Variants in P3H2 observed in about 807,000 individuals in gnomAD.
P3H2 encodes prolyl 3-hydroxylase 2.
In P3H2, 80 loss-of-function variants were observed where a neutral mutation model predicts 87.0. That is an observed-to-expected ratio of 0.92 (90% CI 0.77 to 1.11). The LOEUF is 1.11. Among genes scored for constraint, P3H2 ranks in the 50% least tolerant of loss-of-function variants. The probability of loss-of-function intolerance (pLI) is 0.00; values close to 1 mark genes in which losing one functional copy is unlikely to be tolerated. For synonymous variants in P3H2, 367 were observed against 359.3 expected, an observed-to-expected ratio of 1.02 and a Z score of -0.24; for missense variants, 1,001 against 923.9, an observed-to-expected ratio of 1.08 and a Z score of -1.08.
At chr3:190,056,933 C>A (rs988077677) in intron 1 of P3H2, among the ~76,000 whole-genome samples, 1 of 152,194 alleles carries the variant, frequency 6.6e-6, no homozygotes, top group African/African-American at 2.4e-5. Context: ...GACCCTCCCC[C>A]TTCACCATAG....
rs183667527 is a variant in P3H2, at chr3:190,045,932, T to C, written c.481-50490A>G. ...GTCAGGAGATCGAGACCATCCTGGCTAACATGGTGAAACCCCGTCTCTAAA... is the reference window on the plus strand; with the variant it reads ...GTCAGGAGATCGAGACCATCCTGGCCAACATGGTGAAACCCCGTCTCTAAA... On this transcript the variant is annotated intron_variant, in intron 1 of 14. Coordinates refer to ENST00000319332, the MANE Select transcript of P3H2 (RefSeq NM_018192.4). Among the ~76,000 whole-genome samples, 635 of 152,134 alleles carry C rather than the reference T, an allele frequency of 4.2e-3. 4 individuals carry two copies. Among genetic ancestry groups the C allele is most frequent in the Middle Eastern group, 0.031 (9 of 294 alleles).
In P3H2 at chr3:190,120,801, C is replaced by G; in HGVS notation, c.-70G>C. On this transcript the variant is annotated 5_prime_UTR_variant, in exon 1 of 15. Transcript: ENST00000319332. ...TCGGGGCACCTCGCGTCCGGGTCCCCTCTCCCACCTTCCCTCGGGGAAGCG... is the reference window on the plus strand; with the variant it reads ...TCGGGGCACCTCGCGTCCGGGTCCCGTCTCCCACCTTCCCTCGGGGAAGCG... The G allele has an allele frequency of 6.7e-7, 1 of 1,487,786 alleles. No individual in the cohort carries two copies. The highest frequency in any genetic ancestry group is 2.2e-5 in the Admixed American group (1 of 46,104). The allele number at this position is 1,487,786 out of a possible 1,614,324, so 92.2% of individuals were successfully genotyped here. A position where few individuals can be genotyped will look rare whatever the true frequency, so the allele number is the denominator to read the frequency against.
At position 190,002,102 on chromosome 3, in the gene P3H2, G is replaced by A. The variant is rs1296617074; in HGVS notation, c.481-6660C>T. ...TCTATATAGCAGAGTCAGATTTTTG[G>A]AGTAAAATAATAGCCATATAGCAAA... On this transcript the variant is annotated intron_variant, in intron 1 of 14. Coordinates refer to ENST00000319332, the MANE Select transcript of P3H2 (RefSeq NM_018192.4). 2.0e-5 allele frequency among the ~76,000 whole-genome samples: 3 copies of A among 152,030 alleles called. No homozygotes were observed. In the East Asian group the frequency reaches 5.8e-4, roughly 29 times the overall value.
intron 1 of P3H2, among the ~76,000 whole-genome samples, chr3:190,076,955 C>T (rs1726893452): frequency 6.6e-6 from 1 of 152,200 alleles, no homozygotes; most frequent in Non-Finnish European, 1.5e-5. Context: ...CTGGTTTACA[C>T]ACAGTACCAT....
chr3:189,987,645 T>A lies in P3H2; in HGVS notation c.980A>T (p.Glu327Val). The change falls in exon 5 of 15, where the codon GAG becomes GTG. Residue 327 changes from glutamate to valine, a missense_variant. Physicochemically the swap from Glu to Val is moderately radical, Grantham distance 121. Transcript: ENST00000319332. ...GCATAGAAGATAGGCTTTGGCACAC[T>A]CCAGGGCTTTCACATACTCACCAAC... Reference protein sequence around the residue: ...YRVGEYVKALECAKAYLLCHP... With the variant: ...YRVGEYVKALVCAKAYLLCHP... 6.2e-7 allele frequency: 1 copy of A among 1,614,184 alleles called. No individual in the cohort carries two copies. The highest frequency in any genetic ancestry group is 8.5e-7 in the Non-Finnish European group (1 of 1,180,030).
At chr3:189,985,353 T>C (rs1009364172) in intron 6 of P3H2, among the ~76,000 whole-genome samples, 73 of 151,658 alleles carry the variant, frequency 4.8e-4, no homozygotes, top group Non-Finnish European at 4.1e-4. Flanking sequence ...GTTAAAATGA[T>C]GTATTATTTC....
chr3:190,101,299 G>C (rs1435666075), intron 1 of P3H2, among the ~76,000 whole-genome samples: 1 of 139,634 alleles, frequency 7.2e-6, no homozygotes, highest in African/African-American at 2.7e-5. Flanking sequence ...GTTTACTGAG[G>C]AAGGCAGGTC....
At chr3:189,987,760 G>A in intron 4 of P3H2, 91 bp from the exon 5 acceptor site, 1 of 1,417,858 alleles carries the variant, frequency 7.1e-7, no homozygotes, top group Non-Finnish European at 1.0e-6. Context: ...ACAAAGGTCA[G>A]CATTAAACAT....
At chr3:190,121,022 G>A (rs1712564134), upstream of P3H2, 1 of 452,676 alleles carries the variant, frequency 2.2e-6, no homozygotes, top group African/African-American at 2.1e-5. Flanking sequence ...TGCCAGGGGC[G>A]GCACACTCCA....
At chr3:190,045,145 C>T (rs1485454148) in intron 1 of P3H2, among the ~76,000 whole-genome samples, 1 of 152,104 alleles carries the variant, frequency 6.6e-6, no homozygotes, top group African/African-American at 2.4e-5. Context: ...TTTGGCATCT[C>T]TGAGGAAAAG....
intron 1 of P3H2, among the ~76,000 whole-genome samples, chr3:190,091,543 T>A (rs1727409504): frequency 6.6e-6 from 1 of 152,258 alleles, no homozygotes; most frequent in Admixed American, 6.5e-5. Context: ...TGTAAATGGC[T>A]ATTTGCTTAT....
rs1723591465 is a variant in P3H2 at position 189,983,160 on chromosome 3, A to T, written c.1230-20T>A. 6.3e-7 allele frequency: 1 copy of T among 1,580,052 alleles called. No homozygotes were observed. The highest frequency in any genetic ancestry group is 1.7e-5 in the Admixed American group (1 of 59,954). On this transcript the variant is annotated intron_variant, in intron 7 of 14. Coordinates refer to ENST00000319332, the MANE Select transcript of P3H2 (RefSeq NM_018192.4). ...GGGACCCTGCCCATTCAAAAAATTT[A>T]AAATGGCAATTTGTCATTGAATAAC... is the stretch of plus-strand genomic sequence containing the variant.
rs190084493 is a variant in P3H2 at position 189,995,276 on chromosome 3, C to A, written c.633+14G>T. ...TAGCTCCCTGTGGTGAGGGCAGGGG[C>A]CCACAGAGCTTACCATGTGTGGCTT... On this transcript the variant is annotated intron_variant, in intron 2 of 14. Coordinates refer to ENST00000319332, the MANE Select transcript of P3H2 (RefSeq NM_018192.4). 1.2e-6 allele frequency: 2 copies of A among 1,613,486 alleles called. No homozygotes were observed. Among genetic ancestry groups the A allele is most frequent in the East Asian group, 2.2e-5 (1 of 44,880 alleles).
At chr3:190,053,930 C>G (rs1261505970) in intron 1 of P3H2, among the ~76,000 whole-genome samples, 2 of 152,202 alleles carry the variant, frequency 1.3e-5, no homozygotes, top group Non-Finnish European at 2.9e-5. Flanking sequence ...AGCTTCTACA[C>G]ATAGGTCTAC....
At chr3:190,004,870 TGGC>T (rs932938252) in intron 1 of P3H2, among the ~76,000 whole-genome samples, 14 of 152,176 alleles carry the variant, frequency 9.2e-5, no homozygotes, top group African/African-American at 3.4e-4. Context: ...AAATTTTAGC[TGGC>T]CATCAATTTA....
chr3:190,022,971 C>A (rs961746579), intron 1 of P3H2, among the ~76,000 whole-genome samples: 48 of 152,086 alleles, frequency 3.2e-4, no homozygotes, highest in Non-Finnish European at 7.1e-4. Flanking sequence ...GGACTACAGG[C>A]ACCCACCACC....
chr3:190,040,872 G>A lies in P3H2; in HGVS notation c.481-45430C>T, dbSNP rs115621527. On this transcript the variant is annotated intron_variant, in intron 1 of 14. Coordinates refer to ENST00000319332, the MANE Select transcript of P3H2 (RefSeq NM_018192.4). ...TAGTACCAGTTAATTTCCATATGTT[G>A]GCGTGTGTGACCTTCAAGAAGGCAC... Among the ~76,000 whole-genome samples the A allele has an allele frequency of 1.0e-3, 155 of 150,902 alleles. No homozygotes were observed. The Middle Eastern group carries it at 0.017, about 17-fold the overall frequency.
chr3:189,989,039 C>A lies in P3H2; in HGVS notation c.824-1G>T. 1.9e-6 allele frequency: 3 copies of A among 1,614,110 alleles called. No individual in the cohort carries two copies. Among genetic ancestry groups the A allele is most frequent in the Non-Finnish European group, 2.5e-6 (3 of 1,180,012 alleles). Reference sequence around the variant, plus strand: ...CAAACAAGCACCTGCATGTAGTGATCTGGAAGACAAGAGCCAATACGTGTG... The same window carrying A: ...CAAACAAGCACCTGCATGTAGTGATATGGAAGACAAGAGCCAATACGTGTG... On this transcript the variant is annotated splice_acceptor_variant, in intron 3 of 14. Coordinates refer to ENST00000319332, the MANE Select transcript of P3H2 (RefSeq NM_018192.4). LOFTEE classifies it high-confidence loss of function.
rs1436939486 is a variant in P3H2, at chr3:190,008,947, A to C, written c.481-13505T>G. Among the ~76,000 whole-genome samples the C allele has an allele frequency of 2.0e-5, 3 of 152,108 alleles. No individual in the cohort carries two copies. The South Asian group carries it at 6.2e-4, about 32-fold the overall frequency. On this transcript the variant is annotated intron_variant, in intron 1 of 14. Coordinates refer to ENST00000319332, the MANE Select transcript of P3H2 (RefSeq NM_018192.4). ...CTTAAGAGAAGTAAAAAGAAATTCT[A>C]TAAGTATTCAAAGTAGGAGAAAGAA...
Sources: allele counts gnomAD v4.1 joint callset (sites outside exome capture counted in the v4.1 genomes callset), GRCh38; gene constraint gnomAD v4.1.1; transcripts MANE v1.5; gene names NCBI Gene and HGNC (gene_info 2026-07-23, HGNC 2026-07-21).